Variants in CPLX4 observed in about 807,000 individuals in gnomAD.
CPLX4 encodes complexin-4.
A neutral mutation model predicts 16.1 loss-of-function variants in CPLX4; 17 were observed. The ratio of observed to expected loss-of-function variants is 1.06; its 90% CI spans 0.72 to 1.59. The LOEUF (loss-of-function observed/expected upper bound fraction) is 1.59. CPLX4 is among the 40% of genes most tolerant of loss of function. The pLI, the probability that CPLX4 is intolerant of heterozygous loss-of-function variation, is 0.00. For synonymous variants in CPLX4, 55 were observed against 57.8 expected (o/e 0.95, Z 0.22); for missense variants, 193 against 192.9 (o/e 1.00, Z 0.00).
intron 2 of CPLX4, among the ~76,000 whole-genome samples, chr18:59,310,542 A>G (rs906580847): frequency 6.6e-6 from 1 of 152,184 alleles, no homozygotes; most frequent in Non-Finnish European, 1.5e-5. Context: ...AGGAACCTCC[A>G]TTGTTGCATT....
intron 1 of CPLX4, 99 bp from the exon 2 acceptor site, chr18:59,312,871 T>C: frequency 4.9e-6 from 3 of 616,334 alleles, no homozygotes; most frequent in Non-Finnish European, 8.5e-6. Context: ...CCTTCTGAGA[T>C]GCCACTGCTG....
Position 59,296,826 on chromosome 18 carries a change from C to G in CPLX4, c.355G>C (p.Asp119His), listed in dbSNP as rs772035562. Reference sequence around the variant, plus strand: ...ATCTGCCCAAGAATAGAATCTTTATCTTCTTCCTCTTCTTGATCTTCATCT... The same window carrying G: ...ATCTGCCCAAGAATAGAATCTTTATGTTCTTCCTCTTCTTGATCTTCATCT... ...MVDEDQEEEE[D>H]KDSILGQIQN... The change falls in exon 3 of 3, where the codon GAT (aspartate) becomes CAT (histidine). Residue 119 changes from aspartate (D) to histidine (H), a missense_variant. Coordinates refer to ENST00000299721, the MANE Select transcript of CPLX4 (RefSeq NM_181654.4). 2.5e-6 allele frequency: 4 copies of G among 1,613,854 alleles called. No individual in the cohort carries two copies. In the South Asian group the frequency reaches 3.3e-5, roughly 13 times the overall value.
rs747130768 is a variant in CPLX4 at position 59,318,475 on chromosome 18, A to G, written c.-13T>C. 1 of 1,584,112 alleles carries G rather than the reference A, an allele frequency of 6.3e-7. No individual in the cohort carries two copies. The highest frequency in any genetic ancestry group is 8.5e-7 in the Non-Finnish European group (1 of 1,169,726). ...TAAGGAAAGCCATTTTCTCTGCCCC[A>G]GAAAAATAAAACCAAAATTCAGACA... On this transcript the variant is annotated 5_prime_UTR_variant, in exon 1 of 3. Coordinates refer to ENST00000299721, the MANE Select transcript of CPLX4 (RefSeq NM_181654.4).
chr18:59,298,740 C>A (rs182117573), intron 2 of CPLX4, among the ~76,000 whole-genome samples: 36 of 152,246 alleles, frequency 2.4e-4, no homozygotes, highest in African/African-American at 8.2e-4. Flanking sequence ...CTGGAAACTT[C>A]ATTCTTCATC....
intron 2 of CPLX4, among the ~76,000 whole-genome samples, chr18:59,301,513 T>G (rs1033524501): frequency 6.6e-6 from 1 of 152,198 alleles, no homozygotes; most frequent in Non-Finnish European, 1.5e-5. Flanking sequence ...CCAATTACTC[T>G]GGGCTGCAGC....
At chr18:59,310,002 T>C (rs889662406) in intron 2 of CPLX4, among the ~76,000 whole-genome samples, 2 of 152,138 alleles carry the variant, frequency 1.3e-5, no homozygotes, top group East Asian at 3.9e-4. Flanking sequence ...TACTTAACCC[T>C]CCTGGGCTGC....
chr18:59,312,064 T>C (rs1490090791), intron 2 of CPLX4, among the ~76,000 whole-genome samples: 1 of 152,182 alleles, frequency 6.6e-6, no homozygotes, highest in Non-Finnish European at 1.5e-5. Context: ...GTACCTACTT[T>C]CTTCATGCCT....
chr18:59,309,688 T>C (rs1368085053), intron 2 of CPLX4, among the ~76,000 whole-genome samples: 1 of 149,630 alleles, frequency 6.7e-6, no homozygotes, highest in African/African-American at 2.5e-5. Flanking sequence ...CCAGGAGTGG[T>C]GGTGGGCGCC....
rs1438087865 is a variant in CPLX4 at position 59,312,910 on chromosome 18, TTCC to T, written c.168-141_168-139del. ...GACACTTGGGAACTATGGGATTTTT[TTCC>T]TAGGTCCCCAAACGTCTGCCTCTCT... On this transcript the variant is annotated intron_variant, in intron 1 of 2. Coordinates refer to ENST00000299721, the MANE Select transcript of CPLX4 (RefSeq NM_181654.4). 14 of 502,480 alleles carry T rather than the reference TTCC, an allele frequency of 2.8e-5. No homozygotes were observed. In the South Asian group the frequency reaches 3.5e-4, roughly 13 times the overall value. The allele number at this position is 502,480 out of a possible 1,614,324, so 31.1% of individuals were successfully genotyped here. A position where few individuals can be genotyped will look rare whatever the true frequency, so the allele number is the denominator to read the frequency against.
intron 2 of CPLX4, among the ~76,000 whole-genome samples, chr18:59,299,519 C>T (rs1044637793): frequency 6.6e-6 from 1 of 152,160 alleles, no homozygotes; most frequent in African/African-American, 2.4e-5. Flanking sequence ...CGAACACACT[C>T]ATGAGGGCTC....
intron 2 of CPLX4, among the ~76,000 whole-genome samples, chr18:59,299,601 G>T (rs148231113): frequency 3.7e-4 from 57 of 152,318 alleles, no homozygotes; most frequent in African/African-American, 1.3e-3. Context: ...GCTCTGCAGC[G>T]CTTGAAGAAG....
At chr18:59,301,014 C>A (rs2070537337) in intron 2 of CPLX4, among the ~76,000 whole-genome samples, 2 of 152,232 alleles carry the variant, frequency 1.3e-5, no homozygotes, top group African/African-American at 4.8e-5. Flanking sequence ...ATAGAAGTTC[C>A]TGGCTCACAA....
At chr18:59,300,226 G>A (rs1165852780) in intron 2 of CPLX4, among the ~76,000 whole-genome samples, 3 of 152,256 alleles carry the variant, frequency 2.0e-5, no homozygotes, top group Middle Eastern at 6.8e-3. Context: ...CCAGCTACTA[G>A]GGAGGCTGAG....
Position 59,296,605 on chromosome 18 carries a change from C to T in CPLX4, c.*93G>A. On this transcript the variant is annotated 3_prime_UTR_variant, in exon 3 of 3. Coordinates refer to ENST00000299721, the MANE Select transcript of CPLX4 (RefSeq NM_181654.4). ...TCATCGTGGTTTTCCTAACTGTGTT[C>T]ACTACATTAAAACATGTACTGCTTG... 7.3e-7 allele frequency: 1 copy of T among 1,375,906 alleles called. No homozygotes were observed. The highest frequency in any genetic ancestry group is 2.3e-5 in the Admixed American group (1 of 42,602). 85.2% of individuals were successfully genotyped at this position (1,375,906 alleles called of 1,614,324 possible). A position where few individuals can be genotyped will look rare whatever the true frequency, so the allele number is the denominator to read the frequency against.
At position 59,295,476 on chromosome 18, in the gene CPLX4, C is replaced by T. The variant is rs1288743044; in HGVS notation, c.*1222G>A. 1.3e-5 allele frequency: 2 copies of T among 151,760 alleles called. No individual in the cohort carries two copies. Among genetic ancestry groups the T allele is most frequent in the East Asian group, 3.9e-4 (2 of 5,172 alleles). The allele number at this position is 151,760 out of a possible 1,614,324, so 9.4% of individuals were successfully genotyped here. ...ACTTTTTGTACAACACATTTGAGAA[C>T]CCTGGGTTTAGAACAACTTAGACCC... On this transcript the variant is annotated 3_prime_UTR_variant, in exon 3 of 3. Transcript: ENST00000299721.
At chr18:59,304,173 C>A (rs1423846968) in intron 2 of CPLX4, among the ~76,000 whole-genome samples, 1 of 152,204 alleles carries the variant, frequency 6.6e-6, no homozygotes, top group African/African-American at 2.4e-5. Flanking sequence ...ATACGGCAGA[C>A]AAACACCAGG....
chr18:59,318,442 AC>A lies in CPLX4; in HGVS notation c.20del (p.Ser7IlefsTer2). 6.2e-7 allele frequency: 1 copy of A among 1,610,892 alleles called. No individual in the cohort carries two copies. The highest frequency in any genetic ancestry group is 1.3e-5 in the African/African-American group (1 of 74,854). MAFLMK[S>X]MISNQVKNLG... The stretch of plus-strand genomic sequence containing the variant: ...AATTCTTTACCTGGTTACTTATCAT[AC>A]TTTTCATAAGGAAAGCCATTTTCTC... On this transcript the variant is annotated frameshift_variant, in exon 1 of 3. Coordinates refer to ENST00000299721, the MANE Select transcript of CPLX4 (RefSeq NM_181654.4). LOFTEE classifies it high-confidence loss of function.
intron 2 of CPLX4, among the ~76,000 whole-genome samples, chr18:59,304,319 T>A (rs977475043): frequency 3.9e-5 from 6 of 152,204 alleles, no homozygotes; most frequent in African/African-American, 1.2e-4. Flanking sequence ...GACTTACATA[T>A]ACATTTTAAA....
At chr18:59,314,315 TC>T (rs1462714901) in intron 1 of CPLX4, among the ~76,000 whole-genome samples, 1 of 152,076 alleles carries the variant, frequency 6.6e-6, no homozygotes, top group African/African-American at 2.4e-5. Flanking sequence ...TGATATCAAA[TC>T]CATCTAGATT....
Sources: gnomAD v4.1 joint callset for allele counts (sites outside exome capture counted in the v4.1 genomes callset) on GRCh38, gnomAD v4.1.1 for gene constraint, MANE v1.5 for transcripts, NCBI Gene and HGNC (gene_info 2026-07-23, HGNC 2026-07-21) for gene names.